SLC38A12: variants seen among roughly 807,000 people sequenced by gnomAD.
SLC38A12 encodes putative sodium-coupled neutral amino acid transporter 12.
the SLC38A12 span, among the ~76,000 whole-genome samples, chr17:74,806,756 G>A: frequency 5.3e-4 from 81 of 152,234 alleles, no homozygotes; most frequent in Middle Eastern, 3.4e-3. Flanking sequence ...CTGTCCGATA[G>A]GATGGGAATG....
the SLC38A12 span, among the ~76,000 whole-genome samples, chr17:74,779,102 C>T: frequency 6.6e-6 from 1 of 152,144 alleles, no homozygotes; most frequent in African/African-American, 2.4e-5. Context: ...TAAAAGTCAC[C>T]ACGGCTCCTG....
chr17:74,787,478 C>T, the SLC38A12 span, among the ~76,000 whole-genome samples: 7 of 151,566 alleles, frequency 4.6e-5, no homozygotes, highest in African/African-American at 1.2e-4. Flanking sequence ...AAAAATTAGC[C>T]GGGCGCGGTG....
At chr17:74,788,707 C>T in the SLC38A12 span, 33 of 1,233,120 alleles carry the variant, frequency 2.7e-5, no homozygotes, top group Non-Finnish European at 3.7e-5. Context: ...TGGGTCTGGT[C>T]GGTTCTTACA....
At chr17:74,803,790 C>T in the SLC38A12 span, among the ~76,000 whole-genome samples, 2 of 152,190 alleles carry the variant, frequency 1.3e-5, no homozygotes. Context: ...CTGTGCACCC[C>T]GCTGCTTCCA....
chr17:74,839,094 C>A, the SLC38A12 span: 1 of 1,534,086 alleles, frequency 6.5e-7, no homozygotes, highest in Non-Finnish European at 8.7e-7. Flanking sequence ...AGCACCAGAC[C>A]CACCTGAGCC....
At chr17:74,782,433 T>A in the SLC38A12 span, among the ~76,000 whole-genome samples, 1 of 152,150 alleles carries the variant, frequency 6.6e-6, no homozygotes. Flanking sequence ...TCAAGGGCCG[T>A]ATCTGTCTGG....
chr17:74,782,673 CCT>C, the SLC38A12 span, among the ~76,000 whole-genome samples: 1 of 152,200 alleles, frequency 6.6e-6, no homozygotes, highest in African/African-American at 2.4e-5. Flanking sequence ...CTGTGTGTCC[CCT>C]GTCTCACCCA....
chr17:74,791,022 T>C, the SLC38A12 span: 21 of 1,613,758 alleles, frequency 1.3e-5, no homozygotes, highest in Admixed American at 5.0e-5. Context: ...ATGGCCTCCA[T>C]GTTCTTCAAT....
the SLC38A12 span, among the ~76,000 whole-genome samples, chr17:74,805,734 T>C: frequency 6.6e-6 from 1 of 152,172 alleles, no homozygotes; most frequent in Non-Finnish European, 1.5e-5. The surrounding 1 kb of genome is among the most constrained non-coding windows in gnomAD (Gnocchi z 5.0). Flanking sequence ...GGCACCTGAC[T>C]TCCCTCCCTT....
At chr17:74,789,559 AAAG>A in the SLC38A12 span, among the ~76,000 whole-genome samples, 1 of 149,012 alleles carries the variant, frequency 6.7e-6, no homozygotes, top group East Asian at 2.0e-4. Context: ...AAAAAAAAAA[AAAG>A]AGGCCGGGCA....
the SLC38A12 span, chr17:74,838,609 T>A: frequency 7.6e-7 from 1 of 1,307,996 alleles, no homozygotes; most frequent in Non-Finnish European, 9.8e-7. Flanking sequence ...AGTGACCACA[T>A]CGCTGATGCC....
At chr17:74,809,909 T>C in the SLC38A12 span, among the ~76,000 whole-genome samples, 2 of 152,296 alleles carry the variant, frequency 1.3e-5, no homozygotes, top group Admixed American at 6.5e-5. Context: ...ACCGAGAATG[T>C]GCCCAGAGTT....
the SLC38A12 span, chr17:74,836,809 G>T: frequency 6.9e-7 from 1 of 1,444,236 alleles, no homozygotes; most frequent in Non-Finnish European, 9.1e-7. The surrounding 1 kb of genome is among the most constrained non-coding windows in gnomAD (Gnocchi z 4.2). Context: ...TGGCTCTAGG[G>T]GAAACCCCCT....
chr17:74,835,454 G>A, the SLC38A12 span, among the ~76,000 whole-genome samples: 2 of 152,194 alleles, frequency 1.3e-5, no homozygotes, highest in South Asian at 2.1e-4. Context: ...GCCCTTCTTC[G>A]TCTACCCCCC....
chr17:74,787,388 C>T, the SLC38A12 span, among the ~76,000 whole-genome samples: 1 of 144,218 alleles, frequency 6.9e-6, no homozygotes, highest in South Asian at 2.2e-4. Context: ...TTTGGGAGGC[C>T]GAGGCAGGTG....
the SLC38A12 span, chr17:74,790,949 T>C: frequency 1.2e-6 from 2 of 1,614,014 alleles, no homozygotes; most frequent in South Asian, 2.2e-5. Context: ...TTCTTTTGGC[T>C]CTGCAGAGAG....
At chr17:74,788,735 T>C in the SLC38A12 span, 1 of 1,531,542 alleles carries the variant, frequency 6.5e-7, no homozygotes, top group South Asian at 1.1e-5. Flanking sequence ...TTTCCTTCTC[T>C]CTCTGTCTCC....
the SLC38A12 span, among the ~76,000 whole-genome samples, chr17:74,806,540 G>A: frequency 1.3e-5 from 2 of 152,126 alleles, no homozygotes; most frequent in Non-Finnish European, 2.9e-5. Flanking sequence ...CTGTTAACTC[G>A]GCCGAGGAGA....
the SLC38A12 span, chr17:74,788,757 C>T: frequency 1.7e-4 from 268 of 1,601,238 alleles, no homozygotes; most frequent in Admixed American, 2.0e-4. Context: ...CCAACCTGTC[C>T]GCCTTTGGCG....
Sources: gnomAD v4.1 joint callset for allele counts (sites outside exome capture counted in the v4.1 genomes callset) on GRCh38, gnomAD v4.1.1 for gene constraint, Gnocchi (gnomAD v3.1) non-coding constraint, MANE v1.5 for transcripts, NCBI Gene and HGNC (gene_info 2026-07-23, HGNC 2026-07-21) for gene names.